The following ELAVL4 variants were observed in gnomAD, a reference collection of about 807,000 sequenced individuals.
ELAVL4 encodes ELAV-like protein 4.
A neutral mutation model predicts 35.6 loss-of-function variants in ELAVL4; 1 was observed. The ratio of observed to expected loss-of-function variants is 0.03; its 90% confidence interval spans 0.01 to 0.13. The LOEUF (loss-of-function observed/expected upper bound fraction) is 0.13. Ranked by LOEUF, ELAVL4 falls within the 10% of genes least tolerant of loss-of-function variation. ELAVL4 has a pLI of 1.00. For missense variants in ELAVL4, 267 were observed against 464.9 expected, an observed-to-expected ratio of 0.57 and a Z score of 3.91; for synonymous variants, 156 against 171.0, an observed-to-expected ratio of 0.91 and a Z score of 0.69.
chr1:50,187,992 G>A (rs1443762906), intron 3 of ELAVL4, among the ~76,000 whole-genome samples: 1 of 152,182 alleles, frequency 6.6e-6, no homozygotes, highest in Admixed American at 6.5e-5. Flanking sequence ...CTACTTGGGA[G>A]GCTGAGGCAA....
chr1:50,110,003 CTGTGTGTGTG>C (rs113726459), intron 1 of ELAVL4: 27 of 1,553,270 alleles, frequency 1.7e-5, no homozygotes, highest in Non-Finnish European at 2.4e-5. Flanking sequence ...GGTCCCAGCC[CTGTGTGTGTG>C]TGTGTGTGTG....
At chr1:50,059,452 A>G (rs905626187) in intron 1 of ELAVL4, among the ~76,000 whole-genome samples, 2 of 152,148 alleles carry the variant, frequency 1.3e-5, no homozygotes, top group African/African-American at 4.8e-5. Context: ...CAGCAAACAC[A>G]TAAAAAGATG....
intron 1 of ELAVL4, among the ~76,000 whole-genome samples, chr1:50,093,733 C>A (rs1447047942): frequency 6.6e-6 from 1 of 152,194 alleles, no homozygotes; most frequent in African/African-American, 2.4e-5. Context: ...GAATGTGATT[C>A]TATTCTGGAC....
At chr1:50,177,214 C>T (rs747864212) in intron 3 of ELAVL4, 22 bp downstream of exon 3, 1 of 1,576,756 alleles carries the variant, frequency 6.3e-7, no homozygotes, top group Non-Finnish European at 8.7e-7. Context: ...TGTGCTGGCT[C>T]CTGATTCAGG....
At chr1:50,174,665 G>A (rs1357139791) in intron 2 of ELAVL4, 1 of 151,926 alleles carries the variant, frequency 6.6e-6, no homozygotes, top group East Asian at 1.9e-4. Context: ...TTGCTGGGCA[G>A]GGCTCCTTTC....
At chr1:50,170,958 A>G (rs1016544340) in intron 2 of ELAVL4, among the ~76,000 whole-genome samples, 1 of 152,152 alleles carries the variant, frequency 6.6e-6, no homozygotes, top group Non-Finnish European at 1.5e-5. Flanking sequence ...GCTTGAGCCC[A>G]GGAGTTTGAG....
intron 2 of ELAVL4, among the ~76,000 whole-genome samples, chr1:50,164,593 C>A (rs1677406520): frequency 6.6e-6 from 1 of 152,140 alleles, no homozygotes; most frequent in Admixed American, 6.5e-5. Flanking sequence ...GCCAGGAGTT[C>A]AAGACCAGTC....
At chr1:50,195,305 A>G (rs997566568) in intron 4 of ELAVL4, among the ~76,000 whole-genome samples, 6 of 152,164 alleles carry the variant, frequency 3.9e-5, no homozygotes, top group Non-Finnish European at 7.3e-5. Context: ...GGGGCAGAGC[A>G]GTGATAGAGG....
chr1:50,192,700 A>G (rs943426013), intron 3 of ELAVL4, among the ~76,000 whole-genome samples: 1 of 152,190 alleles, frequency 6.6e-6, no homozygotes, highest in African/African-American at 2.4e-5. Flanking sequence ...GACTGTTTTC[A>G]TCATCTATTC....
chr1:50,055,329 T>C (rs1663600910), intron 1 of ELAVL4, among the ~76,000 whole-genome samples: 3 of 152,234 alleles, frequency 2.0e-5, no homozygotes, highest in South Asian at 2.1e-4. Context: ...AGACAGAGTC[T>C]CGCTCTTTCT....
chr1:50,102,446 C>A (rs1666038636), upstream of ELAVL4, among the ~76,000 whole-genome samples: 1 of 151,468 alleles, frequency 6.6e-6, no homozygotes, highest in Non-Finnish European at 1.5e-5. Context: ...TCCCTTTGAC[C>A]TTTTCTTCCT....
chr1:50,177,344 A>G, intron 3 of ELAVL4, 152 bp downstream of exon 3: 1 of 640,466 alleles, frequency 1.6e-6, no homozygotes. Context: ...TGGGAGACAC[A>G]GAGTGTTACA....
chr1:50,150,096 T>A (rs1244147242), intron 2 of ELAVL4, among the ~76,000 whole-genome samples: 1 of 152,172 alleles, frequency 6.6e-6, no homozygotes, highest in Admixed American at 6.5e-5. Context: ...CATTTTTTAT[T>A]CCTCTGTGCT....
chr1:50,068,847 A>G (rs377546410), intron 1 of ELAVL4, among the ~76,000 whole-genome samples: 2 of 152,228 alleles, frequency 1.3e-5, no homozygotes, highest in Non-Finnish European at 1.5e-5. Flanking sequence ...GAAATGAATT[A>G]ATAACAACGC....
chr1:50,054,515 A>G (rs1663558464), intron 1 of ELAVL4, among the ~76,000 whole-genome samples: 1 of 152,188 alleles, frequency 6.6e-6, no homozygotes, highest in Non-Finnish European at 1.5e-5. Flanking sequence ...ACTAGATTTA[A>G]AAGTGTGAGA....
chr1:50,113,952 G>C lies in ELAVL4; in HGVS notation c.9+4754G>C, dbSNP rs1024197119. Among the ~76,000 whole-genome samples, 41 of 151,984 alleles carry C rather than the reference G, an allele frequency of 2.7e-4. 2 individuals are homozygous for C. Among genetic ancestry groups the C allele is most frequent in the Admixed American group, 1.3e-3 (20 of 15,256 alleles). On this transcript the variant is annotated intron_variant, in intron 1 of 6. Coordinates refer to ENST00000371824, the MANE Select transcript of ELAVL4 (RefSeq NM_001144774.3). The stretch of plus-strand genomic sequence containing the variant: ...GCAAGTATATGTGCATCTATAAATG[G>C]AGAGAAAACCAAACTGGGCTGCTTC...
At position 50,151,834 on chromosome 1, in the gene ELAVL4, G is replaced by A. The variant is rs555844259; in HGVS notation, c.250+6637G>A. Among the ~76,000 whole-genome samples the A allele has an allele frequency of 1.3e-5, 2 of 152,310 alleles. 1 individual carries two copies. Among genetic ancestry groups the A allele is most frequent in the South Asian group, 4.1e-4 (2 of 4,830 alleles). On this transcript the variant is annotated intron_variant, in intron 2 of 6. Transcript: ENST00000371824. The stretch of plus-strand genomic sequence containing the variant: ...TTGATTTGTTGACTCGGGAAGAGGG[G>A]GTTGGCTATTGTTGGAGGTGAGTGG...
rs566983916 is a variant in ELAVL4 at position 50,196,863 on chromosome 1, G to A, written c.735-566G>A. Among the ~76,000 whole-genome samples the A allele has an allele frequency of 5.3e-5, 8 of 152,274 alleles. No homozygotes were observed. In the East Asian group the frequency reaches 7.7e-4, roughly 15 times the overall value. On this transcript the variant is annotated intron_variant, in intron 5 of 6. Transcript: ENST00000371824. ...TAGTGAATGTGAGGAAGATTATAGC[G>A]TAATGGCAGTTTGCTGGGAGGTGCT...
At chr1:50,073,528 A>T (rs1285751016) in intron 1 of ELAVL4, among the ~76,000 whole-genome samples, 1 of 152,126 alleles carries the variant, frequency 6.6e-6, no homozygotes, top group Non-Finnish European at 1.5e-5. Flanking sequence ...CTAAATAAGG[A>T]TTCGAGTAAA....
Sources: gnomAD v4.1 joint callset for allele counts (sites outside exome capture counted in the v4.1 genomes callset) on GRCh38, gnomAD v4.1.1 for gene constraint, MANE v1.5 for transcripts, NCBI Gene and HGNC (gene_info 2026-07-23, HGNC 2026-07-21) for gene names.